The following CSMD1 variants were observed in gnomAD, a reference collection of about 807,000 sequenced individuals.
CSMD1 encodes the protein CUB and sushi domain-containing protein 1.
Under a neutral mutation model 417.5 loss-of-function variants are expected in CSMD1, and 213 were observed. The ratio of observed to expected loss-of-function variants is 0.51; its 90% CI spans 0.46 to 0.57. The LOEUF (loss-of-function observed/expected upper bound fraction) is 0.57. CSMD1 is among the 20% of genes least tolerant of loss of function. CSMD1 has a pLI of 0.00. For missense variants in CSMD1, 6,923 were observed against 4,529.7 expected (o/e 1.53, Z -15.17); for synonymous variants, 2,862 against 1,736.8 (o/e 1.65, Z -16.11).
At chr8:4,732,146 T>C (rs990854752) in intron 1 of CSMD1, among the ~76,000 whole-genome samples, 2 of 152,098 alleles carry the variant, frequency 1.3e-5, no homozygotes, top group African/African-American at 2.4e-5. Context: ...CTTCTAATAA[T>C]GTTCCCAGGA....
intron 1 of CSMD1, among the ~76,000 whole-genome samples, chr8:4,871,547 T>A (rs942302187): frequency 2.6e-5 from 4 of 152,120 alleles, no homozygotes; most frequent in Non-Finnish European, 5.9e-5. Flanking sequence ...ATTAGTGTTT[T>A]GTTTTTATGT....
intron 5 of CSMD1, among the ~76,000 whole-genome samples, chr8:3,823,718 CAAAT>C (rs1801879963): frequency 6.6e-6 from 1 of 152,076 alleles, no homozygotes; most frequent in Non-Finnish European, 1.5e-5. Flanking sequence ...ACGCTTGAAT[CAAAT>C]AACCTTTTTA....
At chr8:3,679,831 C>T (rs1022112412) in intron 7 of CSMD1, among the ~76,000 whole-genome samples, 1 of 152,156 alleles carries the variant, frequency 6.6e-6, no homozygotes, top group Non-Finnish European at 1.5e-5. Context: ...TTATAACAAA[C>T]TGTATCTCAG....
intron 10 of CSMD1, among the ~76,000 whole-genome samples, chr8:3,553,057 C>A (rs1798986446): frequency 6.7e-6 from 1 of 150,240 alleles, no homozygotes; most frequent in Non-Finnish European, 1.5e-5. Context: ...TCAATATATT[C>A]AAGCAATAAA....
At chr8:4,563,758 G>C (rs941264124) in intron 2 of CSMD1, among the ~76,000 whole-genome samples, 1 of 152,082 alleles carries the variant, frequency 6.6e-6, no homozygotes, top group Non-Finnish European at 1.5e-5. Context: ...AACATGACTA[G>C]ACCATCGGTG....
At chr8:4,509,468 A>C in intron 2 of CSMD1, among the ~76,000 whole-genome samples, 1 of 152,216 alleles carries the variant, frequency 6.6e-6, no homozygotes, top group Admixed American at 6.5e-5. Flanking sequence ...CAAGAGCAGT[A>C]AACCTAAGCC....
intron 3 of CSMD1, among the ~76,000 whole-genome samples, chr8:4,386,192 C>G (rs1345304738): frequency 2.0e-5 from 3 of 152,086 alleles, no homozygotes; most frequent in African/African-American, 7.2e-5. Flanking sequence ...AGACATTCTC[C>G]TACCTTCCAT....
intron 12 of CSMD1, among the ~76,000 whole-genome samples, chr8:3,436,952 A>G (rs953951802): frequency 6.6e-6 from 1 of 152,312 alleles, no homozygotes; most frequent in Non-Finnish European, 1.5e-5. Flanking sequence ...GAAGCTAAAA[A>G]AAAGAGAGAA....
chr8:3,360,428 T>C (rs138190922), intron 20 of CSMD1, among the ~76,000 whole-genome samples: 202 of 152,340 alleles, frequency 1.3e-3, no homozygotes, highest in African/African-American at 4.6e-3. Flanking sequence ...ATCAAGTCCA[T>C]GGTTTTGACA....
chr8:3,307,490 C>T (rs944062821), intron 25 of CSMD1, among the ~76,000 whole-genome samples: 1 of 152,126 alleles, frequency 6.6e-6, no homozygotes, highest in Non-Finnish European at 1.5e-5. Flanking sequence ...CTCATTTTGG[C>T]TTTACTATAT....
chr8:4,505,725 T>A (rs906828761), intron 2 of CSMD1, among the ~76,000 whole-genome samples: 1 of 152,162 alleles, frequency 6.6e-6, no homozygotes, highest in African/African-American at 2.4e-5. Context: ...AATGAAGCCT[T>A]TGGACAGAAC....
intron 10 of CSMD1, among the ~76,000 whole-genome samples, chr8:3,503,545 G>A (rs984348409): frequency 2.0e-5 from 3 of 152,214 alleles, no homozygotes; most frequent in Non-Finnish European, 2.9e-5. Flanking sequence ...ATGGTTCTCT[G>A]GACCTTTAAG....
chr8:3,469,045 C>G (rs552885029), intron 11 of CSMD1: 3 of 366,674 alleles, frequency 8.2e-6, no homozygotes, highest in Admixed American at 4.6e-5. Context: ...GCTGCCAATT[C>G]GTGAATTTTC....
intron 49 of CSMD1, among the ~76,000 whole-genome samples, chr8:3,053,430 C>T (rs1812004196): frequency 6.6e-6 from 1 of 152,064 alleles, no homozygotes; most frequent in Admixed American, 6.6e-5. Flanking sequence ...AAAGTCTTCC[C>T]TTTTTATTGT....
At chr8:4,984,898 C>T (rs1811092495) in intron 1 of CSMD1, among the ~76,000 whole-genome samples, 2 of 152,118 alleles carry the variant, frequency 1.3e-5, no homozygotes, top group Admixed American at 1.3e-4. Context: ...GATATATGTG[C>T]TAGCATGCAG....
intron 23 of CSMD1, among the ~76,000 whole-genome samples, chr8:3,312,773 T>C (rs1270887241): frequency 4.6e-5 from 7 of 150,698 alleles, no homozygotes; most frequent in Non-Finnish European, 4.4e-5. Context: ...CTTAGAGCCA[T>C]AGCATGTCAG....
At chr8:3,818,763 A>G (rs1801542948) in intron 5 of CSMD1, among the ~76,000 whole-genome samples, 1 of 152,138 alleles carries the variant, frequency 6.6e-6, no homozygotes, top group African/African-American at 2.4e-5. Context: ...GTGTTAAAAC[A>G]CACCTGGCAT....
chr8:4,413,386 G>C (rs1225976282), intron 3 of CSMD1, among the ~76,000 whole-genome samples: 1 of 152,110 alleles, frequency 6.6e-6, no homozygotes, highest in Non-Finnish European at 1.5e-5. Flanking sequence ...GTCACAGGTA[G>C]CACATAAGCC....
chr8:4,552,191 G>C (rs540733659), intron 2 of CSMD1, among the ~76,000 whole-genome samples: 2 of 152,096 alleles, frequency 1.3e-5, no homozygotes, highest in African/African-American at 2.4e-5. Flanking sequence ...AAGATACAAA[G>C]CATGCTATTC....
Sources: gnomAD v4.1 joint callset for allele counts (sites outside exome capture counted in the v4.1 genomes callset) on GRCh38, gnomAD v4.1.1 for gene constraint, MANE v1.5 for transcripts, NCBI Gene and HGNC (gene_info 2026-07-23, HGNC 2026-07-21) for gene names.